ACACB: variants seen among roughly 807,000 people sequenced by gnomAD.
ACACB encodes acetyl-CoA carboxylase 2.
Under a neutral mutation model 278.8 loss-of-function variants are expected in ACACB, and 209 were observed. The ratio of observed to expected loss-of-function variants is 0.75; its 90% CI spans 0.67 to 0.84. The LOEUF (loss-of-function observed/expected upper bound fraction) is 0.84, where lower values mean the gene tolerates loss of function less well. Among genes scored for constraint, ACACB ranks in the 40% least tolerant of loss-of-function variants. The pLI, the probability that ACACB is intolerant of heterozygous loss-of-function variation, is 0.00. For synonymous variants in ACACB, 1,174 were observed against 1,285.6 expected, an observed-to-expected ratio of 0.91 and a Z score of 1.86; for missense variants, 2,850 against 3,269.0, an observed-to-expected ratio of 0.87 and a Z score of 3.13.
chr12:109,221,382 G>C (rs1452453114), intron 24 of ACACB, among the ~76,000 whole-genome samples: 2 of 152,154 alleles, frequency 1.3e-5, no homozygotes, highest in Non-Finnish European at 2.9e-5. Context: ...AGCATTCATT[G>C]CTCCATCTTC....
At chr12:109,264,430 G>A (rs777310926) in intron 50 of ACACB, 44 bp downstream of exon 50, 1 of 1,504,152 alleles carries the variant, frequency 6.6e-7, no homozygotes. Flanking sequence ...AGCCCACCCT[G>A]TTTTCCAAAA....
rs748928594 is a variant in ACACB, at chr12:109,166,872, C to T, written c.665C>T (p.Ser222Leu). ...TTCTTATTCTGCAGGCCGAGCATGT[C>T]GGGACTCCACCTGGTGAAGAGGGGA... ...TRVPTMRPSM[S>L]GLHLVKRGRE... Residue 222 changes from serine (S) to leucine (L), a missense_variant, in exon 3 of 53, where the codon TCG (serine) becomes TTG (leucine). Coordinates refer to ENST00000338432, the MANE Select transcript of ACACB (RefSeq NM_001093.4). 8.7e-6 allele frequency: 14 copies of T among 1,613,914 alleles called. No individual in the cohort carries two copies. The highest frequency in any genetic ancestry group is 4.4e-5 in the South Asian group (4 of 91,062).
At chr12:109,228,173 T>TA (rs1171632621) in intron 28 of ACACB, among the ~76,000 whole-genome samples, 18 of 150,356 alleles carry the variant, frequency 1.2e-4, no homozygotes, top group East Asian at 9.8e-4. Context: ...CTATCTCTAC[T>TA]AAAAAAAATA....
At chr12:109,189,250 T>C (rs1377301763) in intron 13 of ACACB, among the ~76,000 whole-genome samples, 1 of 152,208 alleles carries the variant, frequency 6.6e-6, no homozygotes, top group African/African-American at 2.4e-5. Context: ...AGCCACGAAT[T>C]AAATTGAGTT....
chr12:109,262,486 G>A lies in ACACB; in HGVS notation c.6787+17G>A, dbSNP rs756199323. On this transcript the variant is annotated intron_variant, in intron 49 of 52. Transcript: ENST00000338432. ...AACAGCTAGGTAAGGGGGTCCCAAAGGCTTCACCTCTCAGAGGTCAAGAGA... is the reference window on the plus strand; with the variant it reads ...AACAGCTAGGTAAGGGGGTCCCAAAAGCTTCACCTCTCAGAGGTCAAGAGA... The A allele has an allele frequency of 6.3e-7, 1 of 1,585,154 alleles. No individual in the cohort carries two copies. Among genetic ancestry groups the A allele is most frequent in the Non-Finnish European group, 8.7e-7 (1 of 1,155,288 alleles).
In ACACB at chr12:109,229,959, T is replaced by C. The variant is rs186992356; in HGVS notation, c.4001+2470T>C. On this transcript the variant is annotated intron_variant, in intron 28 of 52. Transcript: ENST00000338432. Reference sequence around the variant, plus strand: ...GGGATACCTTCTCTTAAAGTAATTATGTCTCCTTGGGATTCGAAGTGTTCT... The same window carrying C: ...GGGATACCTTCTCTTAAAGTAATTACGTCTCCTTGGGATTCGAAGTGTTCT... Among the ~76,000 whole-genome samples, 126 of 152,342 alleles carry C rather than the reference T, an allele frequency of 8.3e-4. 4 individuals carry two copies. The highest frequency in any genetic ancestry group is 7.6e-3 in the Admixed American group (117 of 15,300).
chr12:109,186,341 G>A (rs2044663530), intron 12 of ACACB, among the ~76,000 whole-genome samples: 1 of 152,148 alleles, frequency 6.6e-6, no homozygotes, highest in Non-Finnish European at 1.5e-5. Flanking sequence ...CCACATTACA[G>A]GCAAAGAGCC....
chr12:109,158,321 C>A (rs2136112826), intron 2 of ACACB, among the ~76,000 whole-genome samples: 1 of 151,410 alleles, frequency 6.6e-6, no homozygotes, highest in Middle Eastern at 3.5e-3. Flanking sequence ...TGGGGAAATT[C>A]AAAGTTCATA....
intron 2 of ACACB, among the ~76,000 whole-genome samples, 199 bp from the exon 3 acceptor site, chr12:109,166,649 CAAAAAAAAAAAAA>C (rs869303420): frequency 8.0e-5 from 2 of 25,062 alleles, no homozygotes; most frequent in Admixed American, 1.6e-3. Context: ...GATCCCGTCT[CAAAAAAAAAAAAA>C]AAAAAAAAAA....
At chr12:109,196,886 G>C in intron 16 of ACACB, 122 bp from the exon 17 acceptor site, 1 of 1,158,702 alleles carries the variant, frequency 8.6e-7, no homozygotes, top group Non-Finnish European at 1.1e-6. Flanking sequence ...TCCGAGAGAC[G>C]GGGGTGTTCA....
intron 39 of ACACB, 57 bp from the exon 40 acceptor site, chr12:109,247,549 A>C (rs2046981343): frequency 4.6e-6 from 6 of 1,305,368 alleles, no homozygotes; most frequent in South Asian, 3.8e-5. Flanking sequence ...GAAAAAAAAA[A>C]CAGTGGCTTT....
intron 45 of ACACB, 47 bp downstream of exon 45, chr12:109,256,283 C>A: frequency 6.5e-7 from 1 of 1,545,710 alleles, no homozygotes; most frequent in South Asian, 1.1e-5. Flanking sequence ...ACTCACCAGG[C>A]ATTGGGGCCC....
At chr12:109,190,277 G>A (rs921293861) in intron 13 of ACACB, among the ~76,000 whole-genome samples, 2 of 152,144 alleles carry the variant, frequency 1.3e-5, no homozygotes, top group Non-Finnish European at 2.9e-5. Context: ...TAGTAGAGAC[G>A]GGATTTCTCC....
chr12:109,116,252 T>A (rs1045936895), upstream of ACACB, among the ~76,000 whole-genome samples: 1 of 152,176 alleles, frequency 6.6e-6, no homozygotes. Flanking sequence ...CGGTTTTCAA[T>A]GGGGGCTTGT....
In ACACB at chr12:109,246,191, G is replaced by T. The variant is rs142599425; in HGVS notation, c.5314G>T (p.Ala1772Ser). ...ATCCCCTTGCCAGGTGGGCATGGTG[G>T]CCTTCAAAATGAGGTTTAAGACCCA... is the stretch of plus-strand genomic sequence containing the variant. ...LPGGNEVGMV[A>S]FKMRFKTQEY... Residue 1772 changes from alanine (A) to serine (S), a missense_variant, in exon 39 of 53, where the codon GCC (alanine) becomes TCC (serine). Physicochemically the swap from Ala to Ser is moderately conservative, Grantham distance 99 (BLOSUM62 1). Transcript: ENST00000338432. 6.1e-5 allele frequency: 99 copies of T among 1,610,554 alleles called. No homozygotes were observed. The highest frequency in any genetic ancestry group is 6.9e-5 in the Non-Finnish European group (81 of 1,177,292).
intron 10 of ACACB, 37 bp downstream of exon 10, chr12:109,179,334 G>A (rs746633273): frequency 6.3e-7 from 1 of 1,592,946 alleles, no homozygotes. Context: ...GCTTCAGAGA[G>A]AGCCGTCTCA....
At chr12:109,194,260 A>G (rs1393512145) in intron 16 of ACACB, among the ~76,000 whole-genome samples, 10 of 152,088 alleles carry the variant, frequency 6.6e-5, no homozygotes, top group African/African-American at 2.4e-4. Context: ...CAGTGGCTCA[A>G]CCTTGGCTCA....
intron 17 of ACACB, among the ~76,000 whole-genome samples, chr12:109,198,564 C>A (rs181584127): frequency 6.6e-6 from 1 of 152,058 alleles, no homozygotes; most frequent in African/African-American, 2.4e-5. Context: ...AGTGTGGTGG[C>A]GTGTGCCTGT....
chr12:109,177,488 CTT>C (rs2044316865), intron 9 of ACACB, among the ~76,000 whole-genome samples: 1 of 152,162 alleles, frequency 6.6e-6, no homozygotes. Flanking sequence ...TTATACCACT[CTT>C]GGTATAATAT....
Sources: allele counts gnomAD v4.1 joint callset (sites outside exome capture counted in the v4.1 genomes callset), GRCh38; gene constraint gnomAD v4.1.1; transcripts MANE v1.5; gene names NCBI Gene and HGNC (gene_info 2026-07-23, HGNC 2026-07-21).